The following CDIN1 variants were observed in gnomAD, a reference collection of about 807,000 sequenced individuals.
CDIN1 encodes the protein CDAN1-interacting nuclease 1.
CDIN1 carries 33 observed loss-of-function variants against 45.3 expected under a neutral mutation model. The ratio of observed to expected loss-of-function variants is 0.73; its 90% CI spans 0.55 to 0.97. The LOEUF is 0.97. Ranked by LOEUF, CDIN1 falls within the 50% of genes least tolerant of loss-of-function variation. The probability of loss-of-function intolerance (pLI) is 0.00; values close to 1 mark genes in which losing one functional copy is unlikely to be tolerated. For synonymous variants in CDIN1, 118 were observed against 124.4 expected, an observed-to-expected ratio of 0.95 and a Z score of 0.34; for missense variants, 303 against 339.4, an observed-to-expected ratio of 0.89 and a Z score of 0.84.
Position 36,617,731 on chromosome 15 carries a change from T to C in CDIN1, c.102-26547T>C. The C allele has an allele frequency of 6.3e-6, 5 of 797,116 alleles. No individual in the cohort carries two copies. The South Asian group carries it at 6.7e-5, about 11-fold the overall frequency. The allele number at this position is 797,116 out of a possible 1,614,324, so 49.4% of individuals were successfully genotyped here. A position where few individuals can be genotyped will look rare whatever the true frequency, so the allele number is the denominator to read the frequency against. Reference sequence around the variant, plus strand: ...CCTGAAACAACACCAATAGAGGAAGTGAAAGCTTTGTTCAAATTGAAAACT... The same window carrying C: ...CCTGAAACAACACCAATAGAGGAAGCGAAAGCTTTGTTCAAATTGAAAACT... On this transcript the variant is annotated intron_variant, in intron 1 of 10. Coordinates refer to ENST00000566621, the MANE Select transcript of CDIN1 (RefSeq NM_001321759.2).
chr15:36,616,797 T>G (rs562385659), intron 1 of CDIN1, among the ~76,000 whole-genome samples: 1 of 151,884 alleles, frequency 6.6e-6, no homozygotes, highest in African/African-American at 2.4e-5. Context: ...TGGTGGCGCA[T>G]GCCTGTAATC....
At chr15:36,803,697 A>G (rs569778062) in intron 10 of CDIN1, among the ~76,000 whole-genome samples, 1 of 152,334 alleles carries the variant, frequency 6.6e-6, no homozygotes, top group South Asian at 2.1e-4. Flanking sequence ...GAGCTACAGC[A>G]CGAATCAAAT....
At chr15:36,699,685 A>G (rs2140766963) in intron 8 of CDIN1, among the ~76,000 whole-genome samples, 1 of 152,280 alleles carries the variant, frequency 6.6e-6, no homozygotes, top group Middle Eastern at 3.4e-3. Context: ...TTTGTTTTAT[A>G]AAATGCATAT....
intron 7 of CDIN1, among the ~76,000 whole-genome samples, chr15:36,694,035 C>T (rs998651494): frequency 6.6e-6 from 1 of 152,144 alleles, no homozygotes; most frequent in Non-Finnish European, 1.5e-5. Flanking sequence ...ATGTCTGTTG[C>T]CAGTAAAACT....
intron 10 of CDIN1, among the ~76,000 whole-genome samples, chr15:36,791,966 A>G (rs2054656434): frequency 6.6e-6 from 1 of 152,200 alleles, no homozygotes; most frequent in African/African-American, 2.4e-5. Context: ...GGCCCTAAAA[A>G]TAAACACATA....
intron 10 of CDIN1, among the ~76,000 whole-genome samples, chr15:36,735,478 C>T (rs1486629978): frequency 1.3e-5 from 2 of 152,034 alleles, no homozygotes; most frequent in South Asian, 2.1e-4. Flanking sequence ...TATATACTTA[C>T]ACTTTTTAAC....
intron 10 of CDIN1, among the ~76,000 whole-genome samples, chr15:36,725,317 CTT>C (rs34845224): frequency 2.1e-4 from 30 of 139,898 alleles, no homozygotes; most frequent in African/African-American, 6.2e-4. Context: ...TCTCTTGCCT[CTT>C]TTTTTTTTTT....
Position 36,579,908 on chromosome 15 carries a change from G to A in CDIN1, c.48G>A (p.Val16=). The change falls in exon 1 of 11, where the codon GTG becomes GTA. Residue 16 remains valine (V), a synonymous_variant. Coordinates refer to ENST00000566621, the MANE Select transcript of CDIN1 (RefSeq NM_001321759.2). ...ACGACGAGATAGCCCAGTGCCTAGT[G>A]TCTGTGCCGCCTACCAGGCAGAGCC... ...AQYDEIAQCL[V]SVPPTRQSLR... 2 of 1,613,994 alleles carry A rather than the reference G, an allele frequency of 1.2e-6. No homozygotes were observed. The highest frequency in any genetic ancestry group is 1.7e-6 in the Non-Finnish European group (2 of 1,179,892).
At chr15:36,728,668 G>C (rs1000364079) in intron 10 of CDIN1, among the ~76,000 whole-genome samples, 1 of 150,156 alleles carries the variant, frequency 6.7e-6, no homozygotes, top group Non-Finnish European at 1.5e-5. Flanking sequence ...GCCTTAAAAT[G>C]TGAAAAAAAT....
In CDIN1 at chr15:36,619,294, TTC is replaced by T. The variant is rs2039041178; in HGVS notation, c.102-24976_102-24975del. On this transcript the variant is annotated intron_variant, in intron 1 of 10. Transcript: ENST00000566621. Reference sequence around the variant, plus strand: ...AAAAACAACAAAACTATTCAAAAACTTCTCTCTCTTCCCGTTAAACTTGAGCT... The same window carrying T: ...AAAAACAACAAAACTATTCAAAAACTTCTCTCTTCCCGTTAAACTTGAGCT... 1.4e-5 allele frequency: 13 copies of T among 906,022 alleles called. No individual in the cohort carries two copies. In the South Asian group the frequency reaches 4.9e-4, roughly 34 times the overall value. The allele number at this position is 906,022 out of a possible 1,614,324, so 56.1% of individuals were successfully genotyped here.
chr15:36,657,861 G>A lies in CDIN1; in HGVS notation c.302G>A (p.Arg101Gln), dbSNP rs765704243. Residue 101 changes from arginine to glutamine, a missense_variant, in exon 5 of 11, where the codon CGG (arginine) becomes CAG (glutamine). By Grantham distance (43) the Arg-to-Gln change is conservative. Transcript: ENST00000566621. ...EVDYAPSLMA[R>Q]LILERFLQEH... ...GACTATGCGCCCTCATTAATGGCTC[G>A]GCTTATACTGGAGAGGTTTCTACAG... is the stretch of plus-strand genomic sequence containing the variant. The A allele has an allele frequency of 1.3e-5, 21 of 1,610,472 alleles. No individual in the cohort carries two copies. Among genetic ancestry groups the A allele is most frequent in the African/African-American group, 2.7e-5 (2 of 74,712 alleles).
chr15:36,804,741 C>T (rs1201466080), intron 10 of CDIN1: 2 of 120,472 alleles, frequency 1.7e-5, no homozygotes, highest in African/African-American at 6.3e-5. Flanking sequence ...AGTGCAGTCT[C>T]AGCTCACTGC....
intron 5 of CDIN1, among the ~76,000 whole-genome samples, chr15:36,666,209 CT>C (rs1041376827): frequency 6.6e-6 from 1 of 151,706 alleles, no homozygotes; most frequent in African/African-American, 2.4e-5. Context: ...GACACAAAGC[CT>C]TTTTTTTCTG....
At chr15:36,652,311 C>T (rs893573493) in intron 3 of CDIN1, among the ~76,000 whole-genome samples, 2 of 152,142 alleles carry the variant, frequency 1.3e-5, no homozygotes, top group African/African-American at 2.4e-5. Flanking sequence ...TGACACATAG[C>T]GCTCCAAAAT....
chr15:36,696,374 T>G (rs1595484149), intron 7 of CDIN1: 1 of 152,210 alleles, frequency 6.6e-6, no homozygotes, highest in East Asian at 1.9e-4. Context: ...GGCTTGCCAG[T>G]GGCAAAAGTT....
chr15:36,621,887 C>CTTTTTTTT, intron 1 of CDIN1, among the ~76,000 whole-genome samples: 1 of 88,916 alleles, frequency 1.1e-5, no homozygotes, highest in Admixed American at 1.0e-4. Context: ...TTTTTTTTTC[C>CTTTTTTTT]TCCAAGGGCT....
chr15:36,681,892 A>G (rs1481484246), intron 5 of CDIN1, among the ~76,000 whole-genome samples: 3 of 152,228 alleles, frequency 2.0e-5, no homozygotes, highest in African/African-American at 7.2e-5. Context: ...AGAACTAATA[A>G]ATGAAATGCT....
intron 5 of CDIN1, among the ~76,000 whole-genome samples, chr15:36,660,613 G>C (rs529427191): frequency 1.4e-4 from 21 of 152,242 alleles, no homozygotes; most frequent in African/African-American, 4.8e-4. Context: ...ATTCTGTCTA[G>C]TGTCTCAGTA....
intron 1 of CDIN1, among the ~76,000 whole-genome samples, chr15:36,581,890 T>C (rs2037064314): frequency 6.6e-6 from 1 of 152,264 alleles, no homozygotes. Flanking sequence ...GCCTGATTTG[T>C]TATCATCGTG....
Sources: gnomAD v4.1 joint callset for allele counts (sites outside exome capture counted in the v4.1 genomes callset) on GRCh38, gnomAD v4.1.1 for gene constraint, MANE v1.5 for transcripts, NCBI Gene and HGNC (gene_info 2026-07-23, HGNC 2026-07-21) for gene names.